The following PIGN variants were observed in gnomAD, a reference collection of about 807,000 sequenced individuals.
PIGN encodes the protein phosphatidylinositol glycan anchor biosynthesis class N.
In PIGN, 117 loss-of-function variants were observed where a neutral mutation model predicts 125.4. The ratio of observed to expected loss-of-function variants is 0.93; its 90% CI spans 0.80 to 1.09. The LOEUF is 1.09. Ranked by LOEUF, PIGN falls within the 50% of genes least tolerant of loss-of-function variation. The pLI is 0.00. For missense variants in PIGN, 1,075 were observed against 1,094.9 expected, an observed-to-expected ratio of 0.98 and a Z score of 0.26; for synonymous variants, 392 against 377.8, an observed-to-expected ratio of 1.04 and a Z score of -0.44.
At position 62,045,109 on chromosome 18, in the gene PIGN, A is replaced by G. The variant is rs2030567111; in HGVS notation, c.*747T>C. 1 of 152,310 alleles carries G rather than the reference A, an allele frequency of 6.6e-6. No homozygotes were observed. Among genetic ancestry groups the G allele is most frequent in the African/African-American group, 2.4e-5 (1 of 41,576 alleles). 9.4% of individuals were successfully genotyped at this position (152,310 alleles called of 1,614,324 possible). On this transcript the variant is annotated 3_prime_UTR_variant, in exon 31 of 31. Transcript: ENST00000640252. The stretch of plus-strand genomic sequence containing the variant: ...AAAAGCTATGGGGTAACAGATGTTG[A>G]GCCTACAATTAAAAACTATTTATTT...
At chr18:62,026,323 G>T (rs2030117664) in intron 23 of PIGN, among the ~76,000 whole-genome samples, 1 of 151,456 alleles carries the variant, frequency 6.6e-6, no homozygotes, top group African/African-American at 2.4e-5. Flanking sequence ...CTGAAAGTTG[G>T]CAGAAAAAAA....
intron 7 of PIGN, among the ~76,000 whole-genome samples, chr18:62,152,338 A>G (rs1021257569): frequency 1.3e-5 from 2 of 151,316 alleles, no homozygotes; most frequent in African/African-American, 4.9e-5. Flanking sequence ...TTTAGGGTAC[A>G]TGTTTCTTAT....
In PIGN at chr18:62,084,553, A is replaced by G; in HGVS notation, c.2480T>C (p.Met827Thr). ...AACCTTCCACATCATCAGGGCTCCC[A>G]TCATAAAAGGACTGAACACAGTCAG... ...CFLTVFSPFM[M>T]GALMMWKILI... is the part of the protein sequence containing the mutation. The change falls in exon 27 of 31, where the codon ATG becomes ACG. Residue 827 changes from methionine (M) to threonine (T), a missense_variant. Coordinates refer to ENST00000640252, the MANE Select transcript of PIGN (RefSeq NM_176787.5). The G allele has an allele frequency of 6.4e-7, 1 of 1,556,842 alleles. No homozygotes were observed. Among genetic ancestry groups the G allele is most frequent in the Non-Finnish European group, 8.7e-7 (1 of 1,148,560 alleles).
At position 62,145,958 on chromosome 18, in the gene PIGN, C is replaced by T; in HGVS notation, c.873G>A (p.Lys291=). ...GCTGAGCTGATACTCTTTGGGGATACTTGATTCCAGCTCCCCAAGTGACTA... is the reference window on the plus strand; with the variant it reads ...GCTGAGCTGATACTCTTTGGGGATATTTGATTCCAGCTCCCCAAGTGACTA... ...TPLVTWGAGI[K]YPQRVSAQQF... is the part of the protein sequence containing the mutation. Residue 291 remains lysine (K), a synonymous_variant, in exon 10 of 31, where the codon AAG becomes AAA. Coordinates refer to ENST00000640252, the MANE Select transcript of PIGN (RefSeq NM_176787.5). 2 of 1,609,330 alleles carry T rather than the reference C, an allele frequency of 1.2e-6. No individual in the cohort carries two copies. The highest frequency in any genetic ancestry group is 2.2e-5 in the East Asian group (1 of 44,722).
rs554044853 is a variant in PIGN, at chr18:62,159,981, C to T, written c.221+1152G>A. ...ACAAAAAATTAGCCGGGTGTGGTGG[C>T]GGGCGCCTGTAGTCCCAGCTACTCG... On this transcript the variant is annotated intron_variant, in intron 4 of 30. Coordinates refer to ENST00000640252, the MANE Select transcript of PIGN (RefSeq NM_176787.5). 1.2e-3 allele frequency among the ~76,000 whole-genome samples: 176 copies of T among 152,132 alleles called. 1 individual carries two copies. Among genetic ancestry groups the T allele is most frequent in the African/African-American group, 3.9e-3 (164 of 41,522 alleles).
chr18:62,104,819 T>C (rs1453578061), intron 20 of PIGN, among the ~76,000 whole-genome samples: 2 of 152,216 alleles, frequency 1.3e-5, no homozygotes, highest in African/African-American at 2.4e-5. Context: ...ATTTAATTTC[T>C]AATTCCCATG....
intron 30 of PIGN, among the ~76,000 whole-genome samples, chr18:62,046,673 A>T (rs1376216663): frequency 1.3e-5 from 2 of 151,942 alleles, no homozygotes; most frequent in Admixed American, 6.6e-5. Context: ...ATTATTTACA[A>T]TACCTAATAA....
At chr18:62,078,327 G>A (rs1858025664) in intron 28 of PIGN, among the ~76,000 whole-genome samples, 1 of 152,212 alleles carries the variant, frequency 6.6e-6, no homozygotes, top group Admixed American at 6.5e-5. Context: ...TGATTTTCCA[G>A]AGCAAATCTT....
intron 23 of PIGN, among the ~76,000 whole-genome samples, chr18:62,091,987 C>T (rs557254746): frequency 1.5e-4 from 23 of 152,082 alleles, no homozygotes; most frequent in African/African-American, 4.8e-4. Context: ...CTACAGCATA[C>T]GCCACTATTT....
chr18:62,137,144 G>A (rs1599605903), intron 14 of PIGN: 2 of 398,628 alleles, frequency 5.0e-6, no homozygotes, highest in Non-Finnish European at 8.8e-6. Context: ...AATGTGGAAT[G>A]AGCAGACTTG....
intron 28 of PIGN, among the ~76,000 whole-genome samples, chr18:62,078,937 G>C (rs1429608985): frequency 6.6e-6 from 1 of 152,178 alleles, no homozygotes; most frequent in African/African-American, 2.4e-5. Flanking sequence ...GCAACAGACA[G>C]AACAGCCTTC....
chr18:62,077,190 C>T (rs2033215813), intron 28 of PIGN, among the ~76,000 whole-genome samples: 1 of 151,988 alleles, frequency 6.6e-6, no homozygotes, highest in Non-Finnish European at 1.5e-5. Context: ...CCAGCCTGGC[C>T]AACATGGCGA....
At position 62,074,823 on chromosome 18, in the gene PIGN, T is replaced by C. The variant is rs1219965460; in HGVS notation, c.2577-2A>G. 1.2e-6 allele frequency: 2 copies of C among 1,602,072 alleles called. No individual in the cohort carries two copies. The highest frequency in any genetic ancestry group is 1.7e-6 in the Non-Finnish European group (2 of 1,171,914). On this transcript the variant is annotated splice_acceptor_variant, in intron 28 of 30. Transcript: ENST00000640252. LOFTEE classifies it high-confidence loss of function. ...ATGACGAGAACAATGAGAAAAAGGC[T>C]GGAAAAAAAAAGAAGGAAAAATTAC...
chr18:62,049,076 C>A (rs1247235483), intron 30 of PIGN, among the ~76,000 whole-genome samples: 1 of 151,764 alleles, frequency 6.6e-6, no homozygotes, highest in Non-Finnish European at 1.5e-5. Flanking sequence ...TATATATGTG[C>A]CACATTTTCT....
intron 23 of PIGN, among the ~76,000 whole-genome samples, chr18:62,035,590 A>T (rs1277219578): frequency 6.6e-6 from 1 of 151,950 alleles, no homozygotes; most frequent in African/African-American, 2.4e-5. Flanking sequence ...GGTTTGTTAC[A>T]TATGTATACA....
chr18:62,141,045 C>T (rs2036117238), intron 11 of PIGN, among the ~76,000 whole-genome samples: 1 of 152,168 alleles, frequency 6.6e-6, no homozygotes, highest in Non-Finnish European at 1.5e-5. Context: ...TCCCATCACT[C>T]TTCTGCCCAC....
chr18:62,113,030 GTTAGC>G, intron 16 of PIGN, 99 bp downstream of exon 16: 1 of 793,156 alleles, frequency 1.3e-6, no homozygotes, highest in East Asian at 2.8e-5. Context: ...ATAAACAAGA[GTTAGC>G]TTAGAACAAT....
chr18:62,137,662 C>T (rs62097167), intron 14 of PIGN: 36,276 of 152,838 alleles, frequency 0.24, 4,557 homozygotes, highest in Middle Eastern at 0.37. Flanking sequence ...GTCTCGAACT[C>T]CTGAGCTCAA....
At chr18:62,057,956 A>C (rs2031845287) in intron 30 of PIGN, among the ~76,000 whole-genome samples, 1 of 152,268 alleles carries the variant, frequency 6.6e-6, no homozygotes. Context: ...CTCTTCCACT[A>C]TCAGTCCTCA....
Sources: gnomAD v4.1 joint callset for allele counts (sites outside exome capture counted in the v4.1 genomes callset) on GRCh38, gnomAD v4.1.1 for gene constraint, MANE v1.5 for transcripts, NCBI Gene and HGNC (gene_info 2026-07-23, HGNC 2026-07-21) for gene names.